Variants in ATXN8OS observed in about 807,000 individuals in gnomAD.
The protein encoded by ATXN8OS is ATXN8 opposite strand (non-protein coding).
At chr13:70,153,220 A>G (rs2137500321) in intron 4 of ATXN8OS, among the ~76,000 whole-genome samples, 1 of 152,266 alleles carries the variant, frequency 6.6e-6, no homozygotes, top group Middle Eastern at 3.4e-3. Flanking sequence ...CAAGCATATA[A>G]TGTAATACAA....
At chr13:70,156,973 A>G (rs996736128) in intron 4 of ATXN8OS, among the ~76,000 whole-genome samples, 1 of 152,170 alleles carries the variant, frequency 6.6e-6, no homozygotes, top group Non-Finnish European at 1.5e-5. Flanking sequence ...CCGTAAATGA[A>G]AAAGTCTCAA....
rs564223022 is a variant in ATXN8OS, at chr13:70,158,784, A to C, written n.574-10969A>C. Among the ~76,000 whole-genome samples, 241 of 152,262 alleles carry C rather than the reference A, an allele frequency of 1.6e-3. 2 individuals carry two copies. Among genetic ancestry groups the C allele is most frequent in the African/African-American group, 5.5e-3 (229 of 41,554 alleles). On this transcript the variant is annotated intron_variant and non_coding_transcript_variant, in intron 4 of 4. Transcript: ENST00000678624. ...ATATACTTTTCATATATCATGCAAT[A>C]TCTCTTGATTTTTGCCCTGACCGTT...
chr13:70,161,032 A>G (rs1199566122), intron 4 of ATXN8OS, among the ~76,000 whole-genome samples: 1 of 151,584 alleles, frequency 6.6e-6, no homozygotes, highest in Non-Finnish European at 1.5e-5. Context: ...TCTAAATATA[A>G]CTGTTATTAG....
At chr13:70,143,581 CTATGTGTGTACCTG>C (rs1252409836) in intron 3 of ATXN8OS, among the ~76,000 whole-genome samples, 2 of 152,054 alleles carry the variant, frequency 1.3e-5, no homozygotes, top group South Asian at 2.1e-4. Context: ...CTTAGTGTAC[CTATGTGTGTACCTG>C]TATGTGTGTA....
chr13:70,155,138 G>A (rs188317752), intron 4 of ATXN8OS, among the ~76,000 whole-genome samples: 68 of 152,270 alleles, frequency 4.5e-4, no homozygotes, highest in African/African-American at 1.1e-3. Context: ...GGTCTCTCTC[G>A]TCCTCCTGAA....
At chr13:70,127,045 ATC>A (rs1888449652) in intron 2 of ATXN8OS, among the ~76,000 whole-genome samples, 1 of 151,840 alleles carries the variant, frequency 6.6e-6, no homozygotes, top group Non-Finnish European at 1.5e-5. Flanking sequence ...CTGTCACTCT[ATC>A]TCTCTGTCTC....
intron 4 of ATXN8OS, among the ~76,000 whole-genome samples, chr13:70,148,933 T>C (rs1048429915): frequency 2.0e-5 from 3 of 152,174 alleles, no homozygotes; most frequent in Non-Finnish European, 2.9e-5. Context: ...AATAACATTC[T>C]ATAATTTGCT....
chr13:70,155,056 G>A (rs1298393818), intron 4 of ATXN8OS, among the ~76,000 whole-genome samples: 3 of 152,104 alleles, frequency 2.0e-5, no homozygotes, highest in South Asian at 2.1e-4. Flanking sequence ...TCTTTGTTCC[G>A]GGCGCAGTCT....
At position 70,165,072 on chromosome 13, in the gene ATXN8OS, C is replaced by CA. The variant is rs557439550; in HGVS notation, n.574-4675dup. ...ATATGGCCTCTGGATTTACAGGCTT[C>CA]AAAAAAGATCTACAGTGGCTTAAGA... On this transcript the variant is annotated intron_variant and non_coding_transcript_variant, in intron 4 of 4. Coordinates refer to ENST00000678624, the Ensembl canonical transcript of ATXN8OS. Among the ~76,000 whole-genome samples the CA allele has an allele frequency of 1.3e-3, 199 of 151,826 alleles. 1 individual carries two copies. The highest frequency in any genetic ancestry group is 4.6e-3 in the African/African-American group (192 of 41,490).
intron 2 of ATXN8OS, among the ~76,000 whole-genome samples, chr13:70,125,553 A>C (rs1888421149): frequency 6.6e-6 from 1 of 152,128 alleles, no homozygotes; most frequent in African/African-American, 2.4e-5. Flanking sequence ...TAGGATATCT[A>C]CCTATTGAGT....
intron 4 of ATXN8OS, among the ~76,000 whole-genome samples, chr13:70,156,561 A>G (rs2137502205): frequency 6.6e-6 from 1 of 152,272 alleles, no homozygotes; most frequent in Middle Eastern, 3.4e-3. Flanking sequence ...ATTCCTAAGT[A>G]TATAAAGTAA....
chr13:70,132,517 C>T (rs1290421574), intron 3 of ATXN8OS, among the ~76,000 whole-genome samples: 4 of 151,884 alleles, frequency 2.6e-5, no homozygotes, highest in African/African-American at 9.7e-5. Flanking sequence ...GGGTACTACG[C>T]TCACCTCCTG....
At chr13:70,138,673 A>C (rs1347183296) in intron 3 of ATXN8OS, among the ~76,000 whole-genome samples, 1 of 152,156 alleles carries the variant, frequency 6.6e-6, no homozygotes, top group Non-Finnish European at 1.5e-5. Flanking sequence ...TGCATTCCAA[A>C]ATGAAAGAGG....
intron 4 of ATXN8OS, among the ~76,000 whole-genome samples, chr13:70,165,641 A>G (rs1436254425): frequency 6.6e-6 from 1 of 152,014 alleles, no homozygotes; most frequent in African/African-American, 2.4e-5. Flanking sequence ...AAAAAAACTA[A>G]AAATAGAAAT....
intron 3 of ATXN8OS, chr13:70,131,693 C>T (rs1274955476): frequency 5.1e-6 from 2 of 394,186 alleles, no homozygotes; most frequent in Non-Finnish European, 8.9e-6. Context: ...GATCATTTTC[C>T]CTTGCTGTAT....
chr13:70,153,069 G>A (rs1038706982), intron 4 of ATXN8OS, among the ~76,000 whole-genome samples: 5 of 146,960 alleles, frequency 3.4e-5, no homozygotes, highest in African/African-American at 1.3e-4. Flanking sequence ...CTGTTATAAG[G>A]CATACGAATG....
chr13:70,142,262 T>C (rs1888728198), intron 3 of ATXN8OS, among the ~76,000 whole-genome samples: 2 of 152,344 alleles, frequency 1.3e-5, no homozygotes, highest in East Asian at 3.9e-4. Flanking sequence ...GAATAAAACT[T>C]TGTGATAAAC....
At chr13:70,112,918 TA>T (rs1345515737) in intron 1 of ATXN8OS, among the ~76,000 whole-genome samples, 2 of 63,420 alleles carry the variant, frequency 3.2e-5, no homozygotes, top group African/African-American at 6.6e-5. Context: ...TTTATATATA[TA>T]ATTTTTTTTT....
intron 3 of ATXN8OS, among the ~76,000 whole-genome samples, chr13:70,135,361 A>G (rs574993102): frequency 6.6e-6 from 1 of 152,038 alleles, no homozygotes; most frequent in Admixed American, 6.6e-5. Context: ...ATCCTATTTC[A>G]TTGACCACAT....
Sources: gnomAD v4.1 joint callset for allele counts (sites outside exome capture counted in the v4.1 genomes callset) on GRCh38, gnomAD v4.1.1 for gene constraint, MANE v1.5 for transcripts, NCBI Gene and HGNC (gene_info 2026-07-23, HGNC 2026-07-21) for gene names.